The following ANKRD18A variants were observed in gnomAD, a reference collection of about 807,000 sequenced individuals.
The protein encoded by ANKRD18A is ankyrin repeat domain-containing protein 18A.
In ANKRD18A, 72 loss-of-function variants were observed where a neutral mutation model predicts 110.6. That is an observed-to-expected ratio of 0.65 (90% CI 0.54 to 0.79). The LOEUF is 0.79. Ranked by LOEUF, ANKRD18A falls within the 30% of genes least tolerant of loss-of-function variation. ANKRD18A has a pLI of 0.00. For synonymous variants in ANKRD18A, 305 were observed against 410.3 expected (o/e 0.74, Z 3.10); for missense variants, 934 against 1,163.3 (o/e 0.80, Z 2.87).
At chr9:38,610,946 C>A (rs621015) in intron 4 of ANKRD18A, among the ~76,000 whole-genome samples, 42,976 of 150,152 alleles carry the variant, frequency 0.29, 7,195 homozygotes, top group African/African-American at 0.45. Flanking sequence ...AAAATACAAA[C>A]CCCCTTTAGC....
At position 38,593,803 on chromosome 9, in the gene ANKRD18A, T is replaced by C. The variant is rs1824755383; in HGVS notation, c.1961A>G (p.Glu654Gly). The C allele has an allele frequency of 1.3e-6, 2 of 1,541,824 alleles. No individual in the cohort carries two copies. The highest frequency in any genetic ancestry group is 1.4e-5 in the African/African-American group (1 of 72,708). ...TAATTTCTTCTTTGAAGTCCATGTC[T>C]CATTCAAATTAATATGACAATGTGA... is the stretch of plus-strand genomic sequence containing the variant. ...GTSHCHINLN[E>G]TWTSKKKLFQ... Residue 654 changes from glutamate to glycine, a missense_variant, in exon 10 of 16, where the codon GAG (glutamate) becomes GGG (glycine). Physicochemically the swap from Glu to Gly is moderately conservative, Grantham distance 98. Coordinates refer to ENST00000399703, the MANE Select transcript of ANKRD18A (RefSeq NM_147195.4).
chr9:38,592,882 C>T (rs1824715110), intron 10 of ANKRD18A, among the ~76,000 whole-genome samples: 1 of 152,162 alleles, frequency 6.6e-6, no homozygotes, highest in Non-Finnish European at 1.5e-5. Flanking sequence ...CCATGCAAAT[C>T]TGTGGAGACA....
chr9:38,614,496 T>A (rs1175485935), intron 3 of ANKRD18A, among the ~76,000 whole-genome samples: 1 of 152,144 alleles, frequency 6.6e-6, no homozygotes, highest in African/African-American at 2.4e-5. Context: ...TTAGATCTAT[T>A]ACATCAAAAT....
chr9:38,571,713 C>T lies in ANKRD18A; in HGVS notation c.*332G>A. The T allele has an allele frequency of 5.7e-6, 6 of 1,046,268 alleles. No homozygotes were observed. The highest frequency in any genetic ancestry group is 6.9e-6 in the Non-Finnish European group (6 of 870,100). The allele number at this position is 1,046,268 out of a possible 1,614,324, so 64.8% of individuals were successfully genotyped here. A position where few individuals can be genotyped will look rare whatever the true frequency, so the allele number is the denominator to read the frequency against. On this transcript the variant is annotated 3_prime_UTR_variant, in exon 16 of 16. Transcript: ENST00000399703. ...TGACTTGGTTGTTTGGCTGTTTAAA[C>T]AGCTGACATTCAGGCAATTTGAGTA... is the stretch of plus-strand genomic sequence containing the variant.
chr9:38,599,717 G>C (rs535317096), intron 8 of ANKRD18A, among the ~76,000 whole-genome samples: 11 of 152,300 alleles, frequency 7.2e-5, no homozygotes, highest in African/African-American at 2.2e-4. Context: ...GCCTGCCTCA[G>C]CCTCCCGAAG....
chr9:38,609,369 T>C (rs1825497665), intron 5 of ANKRD18A, among the ~76,000 whole-genome samples: 1 of 151,966 alleles, frequency 6.6e-6, no homozygotes, highest in Non-Finnish European at 1.5e-5. Flanking sequence ...TAGTCCCAGT[T>C]ACTTGGTAGG....
intron 1 of ANKRD18A, among the ~76,000 whole-genome samples, chr9:38,619,308 A>G (rs2118917812): frequency 1.3e-5 from 2 of 152,306 alleles, no homozygotes; most frequent in East Asian, 3.9e-4. Flanking sequence ...CAGGCATTTT[A>G]TTAATAACTC....
At chr9:38,612,449 G>T (rs3005829) in intron 3 of ANKRD18A, among the ~76,000 whole-genome samples, 150,494 of 151,514 alleles carry the variant, frequency 0.99, 74,746 homozygotes, top group Middle Eastern at 1. Context: ...CAAAAAAAGT[G>T]CTAATACTGA....
rs536976885 is a variant in ANKRD18A, at chr9:38,579,813, A to ACCCCACTGGAT, written c.2248-1666_2248-1665insATCCAGTGGGG. Among the ~76,000 whole-genome samples, 137 of 152,326 alleles carry ACCCCACTGGAT rather than the reference A, an allele frequency of 9.0e-4. No homozygotes were observed. In the South Asian group the frequency reaches 0.012, roughly 14 times the overall value. On this transcript the variant is annotated intron_variant, in intron 12 of 15. Coordinates refer to ENST00000399703, the MANE Select transcript of ANKRD18A (RefSeq NM_147195.4). ...AATGCAACTGCCGAGGGATCCAGCA[A>ACCCCACTGGAT]CCCCACTACTGGGTATTCAGGCAAC...
downstream of ANKRD18A, chr9:38,567,383 C>T (rs1017712031): frequency 3.3e-5 from 5 of 152,210 alleles, no homozygotes; most frequent in African/African-American, 1.2e-4. Flanking sequence ...AATCGAGTAT[C>T]TAGTCATTCA....
intron 8 of ANKRD18A, among the ~76,000 whole-genome samples, chr9:38,599,917 G>A (rs1292511114): frequency 2.0e-5 from 3 of 152,284 alleles, no homozygotes; most frequent in South Asian, 4.2e-4. Flanking sequence ...TTCTGACAGG[G>A]TGCAGGTTTT....
At chr9:38,612,434 C>G (rs1178097568) in intron 3 of ANKRD18A, among the ~76,000 whole-genome samples, 1 of 150,826 alleles carries the variant, frequency 6.6e-6, no homozygotes, top group African/African-American at 2.4e-5. Context: ...AATACAATGG[C>G]TTATCAAAAA....
chr9:38,568,791 C>T (rs570342631), downstream of ANKRD18A: 1 of 985,336 alleles, frequency 1.0e-6, no homozygotes, highest in East Asian at 1.1e-4. Context: ...ATGCTGACTG[C>T]TGCTGGGGGG....
intron 3 of ANKRD18A, among the ~76,000 whole-genome samples, chr9:38,611,524 A>C (rs397719872): frequency 7.2e-5 from 11 of 152,156 alleles, no homozygotes; most frequent in South Asian, 4.1e-4. Flanking sequence ...CATTAACTTC[A>C]GTCATCTCCA....
chr9:38,576,317 C>T (rs193190239), intron 14 of ANKRD18A, among the ~76,000 whole-genome samples: 2 of 152,308 alleles, frequency 1.3e-5, no homozygotes, highest in East Asian at 1.9e-4. Context: ...GAGAACTAGA[C>T]TGGTTGGTTG....
At chr9:38,585,193 C>T (rs1244712962) in intron 12 of ANKRD18A, among the ~76,000 whole-genome samples, 1 of 152,162 alleles carries the variant, frequency 6.6e-6, no homozygotes, top group Non-Finnish European at 1.5e-5. Flanking sequence ...TATTTACCCT[C>T]TATTTTCTCT....
intron 3 of ANKRD18A, among the ~76,000 whole-genome samples, chr9:38,613,219 C>T (rs1207833116): frequency 4.0e-5 from 6 of 150,446 alleles, no homozygotes; most frequent in Admixed American, 6.6e-5. Flanking sequence ...GCAACCTCTG[C>T]GCAGCAGACC....
downstream of ANKRD18A, chr9:38,568,843 A>G (rs865945350): frequency 2.8e-5 from 28 of 985,390 alleles, no homozygotes; most frequent in African/African-American, 1.7e-4. Flanking sequence ...GATGAGGCCC[A>G]ACTGGGCCAG....
rs116512276 is a variant in ANKRD18A, at chr9:38,591,770, T to C, written c.2004+1990A>G. On this transcript the variant is annotated intron_variant, in intron 10 of 15. Transcript: ENST00000399703. ...TGACTCAGTGGGCAACAGTCACGTA[T>C]GTACTACAATGGAAACAGCACCTCC... Among the ~76,000 whole-genome samples the C allele has an allele frequency of 7.4e-3, 1,125 of 152,282 alleles. 14 individuals are homozygous for C. Among genetic ancestry groups the C allele is most frequent in the African/African-American group, 0.025 (1,026 of 41,562 alleles).
Sources: allele counts gnomAD v4.1 joint callset (sites outside exome capture counted in the v4.1 genomes callset), GRCh38; gene constraint gnomAD v4.1.1; transcripts MANE v1.5; gene names NCBI Gene and HGNC (gene_info 2026-07-23, HGNC 2026-07-21).